The following CFAP58 variants were observed in gnomAD, a reference collection of about 807,000 sequenced individuals.
CFAP58 encodes the protein cilia- and flagella-associated protein 58.
CFAP58 carries 88 observed loss-of-function variants against 119.5 expected under a neutral mutation model. That is an observed-to-expected ratio of 0.74 (90% confidence interval 0.62 to 0.88). The LOEUF is 0.88. Ranked by LOEUF, CFAP58 falls within the 40% of genes least tolerant of loss-of-function variation. The pLI is 0.00. For missense variants in CFAP58, 990 were observed against 1,021.2 expected (o/e 0.97, Z 0.42); for synonymous variants, 365 against 366.3 (o/e 1.00, Z 0.04).
At chr10:104,421,973 G>T (rs1564899679) in intron 15 of CFAP58, among the ~76,000 whole-genome samples, 3 of 152,140 alleles carry the variant, frequency 2.0e-5, no homozygotes. Context: ...ATCACCTGAG[G>T]TCAGGAGTTT....
At chr10:104,437,774 T>C (rs372534215) in intron 15 of CFAP58, among the ~76,000 whole-genome samples, 8 of 152,162 alleles carry the variant, frequency 5.3e-5, no homozygotes, top group African/African-American at 1.9e-4. Context: ...TAAATATTAC[T>C]GCTAACAGAA....
intron 15 of CFAP58, among the ~76,000 whole-genome samples, chr10:104,440,093 A>T (rs2133089969): frequency 6.8e-6 from 1 of 148,014 alleles, no homozygotes; most frequent in Middle Eastern, 3.4e-3. Flanking sequence ...AAGTGCTGGG[A>T]TTACAGGCGT....
intron 9 of CFAP58, among the ~76,000 whole-genome samples, chr10:104,381,635 T>C (rs1353218672): frequency 6.6e-6 from 1 of 150,948 alleles, no homozygotes; most frequent in African/African-American, 2.4e-5. Context: ...TTTTTTGGAG[T>C]GAAATGTCAA....
intron 15 of CFAP58, among the ~76,000 whole-genome samples, chr10:104,439,740 A>C (rs1222814753): frequency 8.1e-6 from 1 of 122,740 alleles, no homozygotes; most frequent in Admixed American, 7.8e-5. Flanking sequence ...ACATATTTTC[A>C]AAGAAAAATA....
intron 11 of CFAP58, among the ~76,000 whole-genome samples, chr10:104,396,658 C>T (rs1162003923): frequency 2.0e-5 from 3 of 152,164 alleles, no homozygotes; most frequent in Non-Finnish European, 4.4e-5. Context: ...TCCATAATGC[C>T]TTTTGCAAAA....
At chr10:104,357,848 CACATATA>C (rs2014574098) in intron 1 of CFAP58, among the ~76,000 whole-genome samples, 1 of 50,006 alleles carries the variant, frequency 2.0e-5, no homozygotes, top group African/African-American at 6.7e-5. Context: ...CACATATGTA[CACATATA>C]TACACATATA....
At chr10:104,382,059 T>C (rs1487926723) in intron 9 of CFAP58, 4 of 716,606 alleles carry the variant, frequency 5.6e-6, no homozygotes, top group South Asian at 1.5e-5. Context: ...TAAAGATCTA[T>C]GTTTTGCTCA....
the CFAP58 span, among the ~76,000 whole-genome samples, chr10:104,339,335 A>C: frequency 6.6e-6 from 1 of 152,226 alleles, no homozygotes; most frequent in Non-Finnish European, 1.5e-5. Flanking sequence ...CCTATGTTAG[A>C]AACGAGAGAA....
At chr10:104,437,691 T>C (rs2012957237) in intron 15 of CFAP58, among the ~76,000 whole-genome samples, 1 of 152,106 alleles carries the variant, frequency 6.6e-6, no homozygotes, top group Non-Finnish European at 1.5e-5. Context: ...AGTATAAGTA[T>C]AGGCACTTCA....
chr10:104,352,593 A>G (rs1366565818), upstream of CFAP58, among the ~76,000 whole-genome samples: 1 of 152,242 alleles, frequency 6.6e-6, no homozygotes, highest in Non-Finnish European at 1.5e-5. Flanking sequence ...TGCATAAGCA[A>G]ATGTCCCTGT....
At chr10:104,416,608 AG>A (rs900520633) in intron 15 of CFAP58, among the ~76,000 whole-genome samples, 1 of 152,180 alleles carries the variant, frequency 6.6e-6, no homozygotes, top group African/African-American at 2.4e-5. Flanking sequence ...TTCTTTCATA[AG>A]GGCTTTCAAT....
chr10:104,384,501 C>T (rs998622100), intron 9 of CFAP58, among the ~76,000 whole-genome samples: 7 of 152,128 alleles, frequency 4.6e-5, no homozygotes, highest in African/African-American at 9.7e-5. Flanking sequence ...TGCCTGAGAA[C>T]CAAAGAAAGA....
At position 104,376,862 on chromosome 10, in the gene CFAP58, A is replaced by C; in HGVS notation, c.1142A>C (p.Glu381Ala). Residue 381 changes from glutamate (E) to alanine (A), a missense_variant, in exon 8 of 18, where the codon GAG (glutamate) becomes GCG (alanine). Transcript: ENST00000369704. The stretch of plus-strand genomic sequence containing the variant: ...GAACTTGACAGAAAGGCAATGGACG[A>C]GCTTCTAAGAGAAAGGGACATACTA... ...QAELDRKAMD[E>A]LLRERDILNK... 1 of 1,613,730 alleles carries C rather than the reference A, an allele frequency of 6.2e-7. No individual in the cohort carries two copies. The highest frequency in any genetic ancestry group is 8.5e-7 in the Non-Finnish European group (1 of 1,179,778).
chr10:104,392,445 T>G (rs1181714059), intron 10 of CFAP58, 51 bp downstream of exon 10: 1 of 1,310,974 alleles, frequency 7.6e-7, no homozygotes, highest in Admixed American at 2.6e-5. Context: ...TACCCTGCAT[T>G]TAAAACAGTT....
chr10:104,372,546 G>T (rs1452535888), intron 7 of CFAP58, among the ~76,000 whole-genome samples: 1 of 152,124 alleles, frequency 6.6e-6, no homozygotes, highest in Non-Finnish European at 1.5e-5. Flanking sequence ...TCTAGGTGCT[G>T]GGTGCATGGA....
At chr10:104,424,000 T>C (rs2012702326) in intron 15 of CFAP58, among the ~76,000 whole-genome samples, 1 of 152,160 alleles carries the variant, frequency 6.6e-6, no homozygotes, top group South Asian at 2.1e-4. Context: ...TTTAGGGGAA[T>C]TTATAGAATC....
intron 15 of CFAP58, among the ~76,000 whole-genome samples, chr10:104,442,622 TA>T (rs1321154101): frequency 6.6e-6 from 1 of 152,146 alleles, no homozygotes; most frequent in East Asian, 1.9e-4. Context: ...CTTACATTTT[TA>T]TATTTATGTG....
rs1366604190 is a variant in CFAP58, at chr10:104,382,101, C to T, written c.1365+1881C>T. The stretch of plus-strand genomic sequence containing the variant: ...TGGCCTTTGCAGGTCAGCTGCATCC[C>T]TCCTTTTTGTCCTCTTCTTTCCAGG... On this transcript the variant is annotated intron_variant, in intron 9 of 17. Coordinates refer to ENST00000369704, the MANE Select transcript of CFAP58 (RefSeq NM_001008723.2). 9.8e-6 allele frequency: 7 copies of T among 717,434 alleles called. No individual in the cohort carries two copies. In the South Asian group the frequency reaches 1.0e-4, roughly 11 times the overall value. The allele number at this position is 717,434 out of a possible 1,614,324, so 44.4% of individuals were successfully genotyped here. A position where few individuals can be genotyped will look rare whatever the true frequency, so the allele number is the denominator to read the frequency against.
chr10:104,409,877 G>T (rs200269061), intron 15 of CFAP58, among the ~76,000 whole-genome samples: 1 of 130,810 alleles, frequency 7.6e-6, no homozygotes, highest in Non-Finnish European at 1.6e-5. Flanking sequence ...TTTGTGTTTA[G>T]TTTGTTTATT....
Sources: gnomAD v4.1 joint callset for allele counts (sites outside exome capture counted in the v4.1 genomes callset) on GRCh38, gnomAD v4.1.1 for gene constraint, MANE v1.5 for transcripts, NCBI Gene and HGNC (gene_info 2026-07-23, HGNC 2026-07-21) for gene names.